Variants in BAHD1 observed in about 807,000 individuals in gnomAD.
BAHD1 encodes bromo adjacent homology domain containing 1, also known as bromo adjacent homology domain-containing 1 protein.
A neutral mutation model predicts 63.1 loss-of-function variants in BAHD1; 20 were observed. The ratio of observed to expected loss-of-function variants is 0.32; its 90% CI spans 0.22 to 0.46. The LOEUF is 0.46. BAHD1 is among the 20% of genes least tolerant of loss of function. The pLI is 1.00. For synonymous variants in BAHD1, 408 were observed against 426.8 expected (o/e 0.96, Z 0.54); for missense variants, 939 against 1,071.8 (o/e 0.88, Z 1.73).
intron 5 of BAHD1, 95 bp from the exon 6 acceptor site, chr15:40,465,240 G>T (rs1444468011): frequency 9.1e-6 from 10 of 1,098,378 alleles, no homozygotes; most frequent in Non-Finnish European, 1.4e-5. Context: ...GTCATCTCAG[G>T]TCAGCAGGCC....
chr15:40,439,017 C>G (rs1043350379), upstream of BAHD1, among the ~76,000 whole-genome samples: 2 of 152,106 alleles, frequency 1.3e-5, no homozygotes, highest in Non-Finnish European at 2.9e-5. Flanking sequence ...CAGACTGGGA[C>G]AGGGAGAGGG....
chr15:40,452,503 C>G (rs977172204), intron 1 of BAHD1, among the ~76,000 whole-genome samples: 6 of 152,238 alleles, frequency 3.9e-5, no homozygotes, highest in Non-Finnish European at 8.8e-5. Context: ...AGCTGTTGTT[C>G]AGGGTCTGTT....
upstream of BAHD1, among the ~76,000 whole-genome samples, chr15:40,440,600 G>C (rs1893369852): frequency 6.6e-6 from 1 of 151,896 alleles, no homozygotes; most frequent in African/African-American, 2.4e-5. Context: ...TGGGAGATTG[G>C]GGTCGAGTCA....
At position 40,459,912 on chromosome 15, in the gene BAHD1, C is replaced by T. The variant is rs1201169064; in HGVS notation, c.1432+16C>T. The T allele has an allele frequency of 7.7e-6, 12 of 1,561,640 alleles. No individual in the cohort carries two copies. Among genetic ancestry groups the T allele is most frequent in the Non-Finnish European group, 1.0e-5 (12 of 1,153,984 alleles). On this transcript the variant is annotated intron_variant, in intron 2 of 6. Transcript: ENST00000416165. ...TTTGCAGCAGGTGAGGCTTCCTGGG[C>T]CCAAGATGTACTGGGGAGTCTCGGA... is the stretch of plus-strand genomic sequence containing the variant.
chr15:40,440,081 G>C (rs560636115), upstream of BAHD1: 1 of 152,522 alleles, frequency 6.6e-6, no homozygotes, highest in East Asian at 1.9e-4. Context: ...GATGTTCCCC[G>C]CGGTGGTGGA....
Position 40,458,872 on chromosome 15 carries a change from C to A in BAHD1, c.408C>A (p.Asp136Glu). 1.3e-6 allele frequency: 2 copies of A among 1,599,748 alleles called. No individual in the cohort carries two copies. The highest frequency in any genetic ancestry group is 1.7e-5 in the Admixed American group (1 of 58,754). The change falls in exon 2 of 7, where the codon GAC becomes GAA. Residue 136 changes from aspartate to glutamate, a missense_variant. By Grantham distance (45) the Asp-to-Glu change is conservative. Transcript: ENST00000416165. This position sits in a 1 kb window ranked among gnomAD's most constrained non-coding sequence, Gnocchi z 4.7. ...ALNNLLLERE[D>E]TSSLAGTRRS... ...ATAACCTGCTGCTGGAGCGAGAGGA[C>A]ACCAGCAGCCTGGCAGGCACCCGCC...
chr15:40,445,606 T>C (rs1036399085), intron 1 of BAHD1, among the ~76,000 whole-genome samples: 2 of 152,200 alleles, frequency 1.3e-5, no homozygotes, highest in South Asian at 4.1e-4. Flanking sequence ...AGAAGTAGCC[T>C]GTGTTGAACT....
chr15:40,464,046 C>G (rs779945165), intron 4 of BAHD1, 26 bp downstream of exon 4: 3 of 1,611,484 alleles, frequency 1.9e-6, no homozygotes, highest in Non-Finnish European at 2.5e-6. Context: ...GCTGGGGACC[C>G]AAGGGGCAGC....
At chr15:40,465,831 G>T in intron 6 of BAHD1, 110 bp from the exon 7 acceptor site, 2 of 1,152,444 alleles carry the variant, frequency 1.7e-6, no homozygotes, top group Non-Finnish European at 1.2e-6. Context: ...CCACCCCTTG[G>T]GGAGCTAGGA....
chr15:40,438,286 C>T (rs1219737463), upstream of BAHD1, among the ~76,000 whole-genome samples: 1 of 152,158 alleles, frequency 6.6e-6, no homozygotes, highest in Non-Finnish European at 1.5e-5. Context: ...TTGCAGAGGT[C>T]CCTGAAAGTT....
chr15:40,461,806 G>A, intron 2 of BAHD1, 106 bp from the exon 3 acceptor site: 4 of 1,416,600 alleles, frequency 2.8e-6, no homozygotes, highest in African/African-American at 2.9e-5. Context: ...CCACCTCAGT[G>A]GCCTTTGGTT....
chr15:40,443,325 G>A, intron 1 of BAHD1: 4 of 985,236 alleles, frequency 4.1e-6, no homozygotes, highest in Non-Finnish European at 4.8e-6. Context: ...TTGTGAGAAA[G>A]GTAGGTATTA....
At chr15:40,453,887 C>T (rs984876573) in intron 1 of BAHD1, 1 of 151,040 alleles carries the variant, frequency 6.6e-6, no homozygotes, top group African/African-American at 2.4e-5. Context: ...GTGGAAGGAT[C>T]ACTTGAGTCT....
At chr15:40,447,391 A>AC (rs1361939742) in intron 1 of BAHD1, among the ~76,000 whole-genome samples, 1 of 151,622 alleles carries the variant, frequency 6.6e-6, no homozygotes, top group African/African-American at 2.4e-5. Context: ...ACATGCTGAA[A>AC]CCCCGTCTCT....
chr15:40,452,671 G>A (rs1282397818), intron 1 of BAHD1, among the ~76,000 whole-genome samples: 1 of 152,150 alleles, frequency 6.6e-6, no homozygotes. Flanking sequence ...AGCACCCCGT[G>A]CTCCCCTGGG....
At position 40,458,271 on chromosome 15, in the gene BAHD1, G is replaced by A. The variant is rs1273520743; in HGVS notation, c.-14-180G>A. On this transcript the variant is annotated intron_variant, in intron 1 of 6. Coordinates refer to ENST00000416165, the MANE Select transcript of BAHD1 (RefSeq NM_014952.5). This position sits in a 1 kb window ranked among gnomAD's most constrained non-coding sequence, Gnocchi z 4.7. Reference sequence around the variant, plus strand: ...ACCAGTCCTTGCACAGCTGCTGGTAGCTTGATTCCACTGCCCCTTCACACT... The same window carrying A: ...ACCAGTCCTTGCACAGCTGCTGGTAACTTGATTCCACTGCCCCTTCACACT... Among the ~76,000 whole-genome samples the A allele has an allele frequency of 6.6e-6, 1 of 152,164 alleles. No individual in the cohort carries two copies.
chr15:40,452,283 CTCTCTCTT>C (rs991472028), intron 1 of BAHD1, among the ~76,000 whole-genome samples: 1 of 152,228 alleles, frequency 6.6e-6, no homozygotes, highest in African/African-American at 2.4e-5. Flanking sequence ...CCTGCTCTCT[CTCTCTCTT>C]TGAGGACAGT....
chr15:40,448,007 T>C (rs370638317), intron 1 of BAHD1, among the ~76,000 whole-genome samples: 4 of 152,198 alleles, frequency 2.6e-5, no homozygotes, highest in East Asian at 1.9e-4. Flanking sequence ...CCCAGCACTT[T>C]GGGAGGCAGG....
At chr15:40,463,572 A>G (rs372877078) in intron 3 of BAHD1, among the ~76,000 whole-genome samples, 27 of 152,070 alleles carry the variant, frequency 1.8e-4, no homozygotes, top group African/African-American at 6.5e-4. Context: ...AAGCATGAGC[A>G]CTTACCCAGC....
Sources: gnomAD v4.1 joint callset for allele counts (sites outside exome capture counted in the v4.1 genomes callset) on GRCh38, gnomAD v4.1.1 for gene constraint, Gnocchi (gnomAD v3.1) non-coding constraint, MANE v1.5 for transcripts, NCBI Gene and HGNC (gene_info 2026-07-23, HGNC 2026-07-21) for gene names.